The following PIEZO1 variants were observed in gnomAD, a reference collection of about 807,000 sequenced individuals.
PIEZO1 encodes the protein piezo-type mechanosensitive ion channel component 1.
PIEZO1 carries 296 observed loss-of-function variants against 297.2 expected under a neutral mutation model. The ratio of observed to expected loss-of-function variants is 1.00; its 90% CI spans 0.91 to 1.10. The LOEUF (loss-of-function observed/expected upper bound fraction) is 1.10, where lower values mean the gene tolerates loss of function less well. PIEZO1 is among the 50% of genes least tolerant of loss of function. PIEZO1 has a pLI of 0.00. For synonymous variants in PIEZO1, 2,427 were observed against 1,507.5 expected (o/e 1.61, Z -14.13); for missense variants, 5,018 against 3,455.5 (o/e 1.45, Z -11.34).
intron 2 of PIEZO1, chr16:88,745,797 G>C (rs954933460): frequency 3.3e-5 from 5 of 151,870 alleles, no homozygotes; most frequent in South Asian, 4.2e-4. Flanking sequence ...CAGCTTGCAG[G>C]GCTCTCAGGA....
chr16:88,766,707 GA>G (rs370561995), intron 1 of PIEZO1, among the ~76,000 whole-genome samples: 5 of 152,208 alleles, frequency 3.3e-5, no homozygotes, highest in African/African-American at 1.2e-4. Context: ...GCAACCAAGG[GA>G]AAAAAATCAA....
intron 29 of PIEZO1, 84 bp from the exon 30 acceptor site, chr16:88,725,164 G>T: frequency 1.0e-6 from 1 of 972,322 alleles, no homozygotes; most frequent in Non-Finnish European, 1.5e-6. Context: ...CTTGGAGACA[G>T]GATAGGTGGA....
Position 88,738,447 on chromosome 16 carries a change from GGC to G in PIEZO1, c.635-9_635-8del, listed in dbSNP as rs1905406074. 3 of 1,535,170 alleles carry G rather than the reference GGC, an allele frequency of 2.0e-6. No homozygotes were observed. The highest frequency in any genetic ancestry group is 1.7e-4 in the Middle Eastern group (1 of 5,942). Reference sequence around the variant, plus strand: ...GCCGAGGGGTGGGCGATGCCTGCGGGGCAGGGGCACACAGGGTGGTACCTGGC... The same window carrying G: ...GCCGAGGGGTGGGCGATGCCTGCGGGAGGGGCACACAGGGTGGTACCTGGC... On this transcript the variant is annotated splice_region_variant and splice_polypyrimidine_tract_variant and intron_variant, in intron 6 of 50. Transcript: ENST00000301015.
rs1285585256 is a variant in PIEZO1 at position 88,723,101 on chromosome 16, C to T, written c.4489G>A (p.Ala1497Thr). 1.3e-6 allele frequency: 2 copies of T among 1,548,064 alleles called. No individual in the cohort carries two copies. Among genetic ancestry groups the T allele is most frequent in the Non-Finnish European group, 1.7e-6 (2 of 1,146,720 alleles). Residue 1497 changes from alanine to threonine, a missense_variant, in exon 33 of 51, where the codon GCG becomes ACG. By Grantham distance (58) the Ala-to-Thr change is moderately conservative (BLOSUM62 0). Transcript: ENST00000301015. ...CAGCCCCGGGCCCACGTACCTGCCG[C>T]TGCCTCCTCGGGGCCCTCTGCTGGC... ...VEPAEGPEEA[A>T]AGRSHVVQRV...
intron 1 of PIEZO1, among the ~76,000 whole-genome samples, chr16:88,783,774 C>T (rs1183011669): frequency 6.6e-6 from 1 of 152,204 alleles, no homozygotes. Context: ...AAAATCTTCC[C>T]CAAGTTTCAC....
chr16:88,775,571 A>G (rs1185261580), intron 1 of PIEZO1, among the ~76,000 whole-genome samples: 3 of 152,032 alleles, frequency 2.0e-5, no homozygotes, highest in African/African-American at 7.2e-5. Flanking sequence ...TCCACTAACA[A>G]TACAAAAATT....
chr16:88,729,833 A>G (rs1039071349), intron 22 of PIEZO1, among the ~76,000 whole-genome samples: 12 of 148,332 alleles, frequency 8.1e-5, no homozygotes, highest in African/African-American at 2.8e-4. Context: ...CGACCCAAAA[A>G]CAAAGTGACC....
Position 88,726,990 on chromosome 16 carries a change from C to T in PIEZO1, c.3456-32G>A, listed in dbSNP as rs1040897318. ...GGCCGGAGCGTCAGGGCGGGCGCCCCGGCCACCCCTCCCAGAAGGTTCCCC... is the reference window on the plus strand; with the variant it reads ...GGCCGGAGCGTCAGGGCGGGCGCCCTGGCCACCCCTCCCAGAAGGTTCCCC... On this transcript the variant is annotated intron_variant, in intron 24 of 50. Transcript: ENST00000301015. 2.3e-5 allele frequency: 36 copies of T among 1,549,000 alleles called. 1 individual carries two copies. The highest frequency in any genetic ancestry group is 9.8e-5 in the Admixed American group (5 of 50,962).
intron 1 of PIEZO1, among the ~76,000 whole-genome samples, chr16:88,751,252 G>A (rs1203566173): frequency 6.6e-6 from 1 of 152,178 alleles, no homozygotes; most frequent in East Asian, 1.9e-4. Flanking sequence ...CGACCTCCAC[G>A]GACAGCACAG....
At position 88,738,027 on chromosome 16, in the gene PIEZO1, G is replaced by A. The variant is rs1034346501; in HGVS notation, c.927C>T (p.Asp309=). The change falls in exon 8 of 51, where the codon GAC becomes GAT. Residue 309 remains aspartate, a synonymous_variant. Transcript: ENST00000301015. ...PHALVLNTGL[D]WPVYASPGVL... ...CGCCGGGGCTGGCATACACAGGCCAGTCCAGGCCGGTGTTGAGGACCAGCG... is the reference window on the plus strand; with the variant it reads ...CGCCGGGGCTGGCATACACAGGCCAATCCAGGCCGGTGTTGAGGACCAGCG... 10 of 1,535,634 alleles carry A rather than the reference G, an allele frequency of 6.5e-6. No individual in the cohort carries two copies. The highest frequency in any genetic ancestry group is 7.8e-6 in the Non-Finnish European group (9 of 1,146,818).
chr16:88,722,226 G>T lies in PIEZO1; in HGVS notation c.4947C>A (p.Leu1649=). The part of the protein sequence containing the change: ...QGLMRTASEL[L]LDRRLRIPEL... Reference sequence around the variant, plus strand: ...GCGCGTCCCGCCCCCACCTGTCCAGGAGCAGCTCGCTGGCCGTCCGCATCA... The same window carrying T: ...GCGCGTCCCGCCCCCACCTGTCCAGTAGCAGCTCGCTGGCCGTCCGCATCA... The change falls in exon 36 of 51, where the codon CTC becomes CTA. Residue 1649 remains leucine, a synonymous_variant. Coordinates refer to ENST00000301015, the MANE Select transcript of PIEZO1 (RefSeq NM_001142864.4). 1 of 1,546,646 alleles carries T rather than the reference G, an allele frequency of 6.5e-7. No homozygotes were observed.
Position 88,717,159 on chromosome 16 carries a change from A to T in PIEZO1, c.6524T>A (p.Met2175Lys), listed in dbSNP as rs2142751612. 1 of 1,551,086 alleles carries T rather than the reference A, an allele frequency of 6.4e-7. No homozygotes were observed. The highest frequency in any genetic ancestry group is 8.7e-7 in the Non-Finnish European group (1 of 1,147,152). Residue 2175 changes from methionine (M) to lysine (K), a missense_variant, in exon 45 of 51, where the codon ATG (methionine) becomes AAG (lysine). Transcript: ENST00000301015. ...GAGGAAGAGGATGATGAGGCCACCCATGCCGTACTTGACGATCTTCTTCTT... is the reference window on the plus strand; with the variant it reads ...GAGGAAGAGGATGATGAGGCCACCCTTGCCGTACTTGACGATCTTCTTCTT... ...QKKKKIVKYG[M>K]GGLIILFLIA... is the part of the protein sequence containing the mutation.
intron 42 of PIEZO1, 38 bp downstream of exon 42, chr16:88,720,031 C>T (rs575200382): frequency 4.8e-5 from 75 of 1,549,316 alleles, no homozygotes; most frequent in Admixed American, 4.7e-4. Flanking sequence ...TGCACTGCCC[C>T]GCCCCTGGAG....
At chr16:88,733,528 G>C in intron 18 of PIEZO1, 60 bp downstream of exon 18, 10 of 1,529,766 alleles carry the variant, frequency 6.5e-6, no homozygotes, top group Non-Finnish European at 8.8e-6. Context: ...GGGGAGGCCA[G>C]CTGGGCAGGC....
intron 27 of PIEZO1, 86 bp downstream of exon 27, chr16:88,726,198 C>T (rs560468790): frequency 6.3e-5 from 75 of 1,183,464 alleles, no homozygotes; most frequent in African/African-American, 5.5e-4. Context: ...CTCCACGGGC[C>T]GGGGCCTGAG....
intron 1 of PIEZO1, among the ~76,000 whole-genome samples, chr16:88,766,137 C>T (rs541030229): frequency 8.5e-5 from 13 of 152,290 alleles, no homozygotes; most frequent in East Asian, 1.9e-4. Context: ...TGCTGGGCCA[C>T]GCTGCCCAGT....
chr16:88,738,173 C>T, intron 7 of PIEZO1, 54 bp downstream of exon 7: 2 of 1,534,124 alleles, frequency 1.3e-6, no homozygotes, highest in Non-Finnish European at 1.7e-6. Context: ...CTAGACGAGC[C>T]AGGTGGGCGG....
In PIEZO1 at chr16:88,716,449, T is replaced by C. The variant is rs1217190778; in HGVS notation, c.6961A>G (p.Asn2321Asp). The C allele has an allele frequency of 3.9e-6, 6 of 1,549,764 alleles. No individual in the cohort carries two copies. Among genetic ancestry groups the C allele is most frequent in the Non-Finnish European group, 4.4e-6 (5 of 1,146,672 alleles). Residue 2321 changes from asparagine (N) to aspartate (D), a missense_variant, in exon 48 of 51, where the codon AAC becomes GAC. Asn to Asp is a conservative substitution (Grantham distance 23). Transcript: ENST00000301015. ...GCCAGGGCCAGCATGTGCTTCTCGT[T>C]GGCATACTCCACAGTGCCTCCCTTC... ...LAKGGTVEYA[N>D]EKHMLALAPN...
chr16:88,721,264 G>A lies in PIEZO1; in HGVS notation c.5570C>T (p.Pro1857Leu), dbSNP rs1239558253. 1.3e-6 allele frequency: 2 copies of A among 1,543,756 alleles called. No homozygotes were observed. The highest frequency in any genetic ancestry group is 2.0e-5 in the Admixed American group (1 of 50,970). ...ATCACGGGGCCTGAGCTCCACTTGGGGTTCTGGGGTCCCGTCCGTGGGTCC... is the reference window on the plus strand; with the variant it reads ...ATCACGGGGCCTGAGCTCCACTTGGAGTTCTGGGGTCCCGTCCGTGGGTCC... ...RVGPTDGTPE[P>L]QVELRPRDTR... Residue 1857 changes from proline (P) to leucine (L), a missense_variant, in exon 39 of 51, where the codon CCC becomes CTC. Transcript: ENST00000301015.
Sources: allele counts gnomAD v4.1 joint callset (sites outside exome capture counted in the v4.1 genomes callset), GRCh38; gene constraint gnomAD v4.1.1; transcripts MANE v1.5; gene names NCBI Gene and HGNC (gene_info 2026-07-23, HGNC 2026-07-21).